The following NOS1 variants were observed in gnomAD, a reference collection of about 807,000 sequenced individuals.
The protein encoded by NOS1 is nitric oxide synthase 1, also known as NOS type I.
Under a neutral mutation model 164.5 loss-of-function variants are expected in NOS1, and 51 were observed. The ratio of observed to expected loss-of-function variants is 0.31; its 90% confidence interval spans 0.25 to 0.39. The LOEUF (loss-of-function observed/expected upper bound fraction) is 0.39, where lower values mean the gene tolerates loss of function less well. Ranked by LOEUF, NOS1 falls within the 10% of genes least tolerant of loss-of-function variation. The pLI is 1.00. For missense variants in NOS1, 1,362 were observed against 1,885.6 expected, an observed-to-expected ratio of 0.72 and a Z score of 5.14; for synonymous variants, 719 against 745.8, an observed-to-expected ratio of 0.96 and a Z score of 0.59.
In NOS1 at chr12:117,330,814, C is replaced by T. The variant is rs1403290060; in HGVS notation, c.256G>A (p.Gly86Ser). Residue 86 changes from glycine to serine, a missense_variant, in exon 2 of 29, where the codon GGC (glycine) becomes AGC (serine). Physicochemically the swap from Gly to Ser is moderately conservative, Grantham distance 56 (BLOSUM62 0). This residue lies in a region of NOS1 where 362 missense variants were observed against 402.0 expected (regional missense o/e 0.90). Transcript: ENST00000317775. This position sits in a 1 kb window ranked among gnomAD's most constrained non-coding sequence, Gnocchi z 4.6. ...SYDSALEVLRGIASETHVVLI... is the reference protein window; with the variant it reads ...SYDSALEVLRSIASETHVVLI... ...ACCACGTGGGTCTCAGAGGCAATGC[C>T]TCTGAGTACCTCCAGGGCGCTGTCA... The T allele has an allele frequency of 2.5e-6, 4 of 1,614,084 alleles. No individual in the cohort carries two copies. The South Asian group carries it at 3.3e-5, about 13-fold the overall frequency.
Position 117,332,729 on chromosome 12 carries a change from G to C in NOS1, c.-420-1240C>G, listed in dbSNP as rs374498502. ...AAAATACAAAAATTAGCCGGGTGTG[G>C]TGGCGGGTGCCTGTAATCCCAGCTA... On this transcript the variant is annotated intron_variant, in intron 1 of 28. Coordinates refer to ENST00000317775, the MANE Select transcript of NOS1 (RefSeq NM_000620.5). 6.4e-4 allele frequency among the ~76,000 whole-genome samples: 98 copies of C among 152,282 alleles called. 1 individual carries two copies. In the East Asian group the frequency reaches 0.015, roughly 23 times the overall value.
chr12:117,251,800 C>T (rs816348), intron 17 of NOS1, among the ~76,000 whole-genome samples: 74,893 of 151,548 alleles, frequency 0.49, 19,390 homozygotes, highest in African/African-American at 0.63. Context: ...GGCGCCATCT[C>T]GGCTCACTGT....
intron 17 of NOS1, among the ~76,000 whole-genome samples, chr12:117,252,713 A>C (rs554413534): frequency 6.6e-6 from 1 of 152,332 alleles, no homozygotes; most frequent in African/African-American, 2.4e-5. Context: ...GTCAACCTAA[A>C]ATTGCTTTAA....
Position 117,247,383 on chromosome 12 carries a change from C to A in NOS1, c.2788G>T (p.Glu930Ter). 1 of 1,608,056 alleles carries A rather than the reference C, an allele frequency of 6.2e-7. No homozygotes were observed. The highest frequency in any genetic ancestry group is 8.5e-7 in the Non-Finnish European group (1 of 1,177,676). The change falls in exon 18 of 29, where the codon GAG becomes TAG. Residue 930 changes from glutamate to a stop codon, truncating the protein, a stop_gained. Transcript: ENST00000317775. LOFTEE classifies it high-confidence loss of function. ...TTCTTGGCCCAGGTCCTGAAAGCCTCTTCCTGCCCACAGAGCTCATCCCCT... is the reference window on the plus strand; with the variant it reads ...TTCTTGGCCCAGGTCCTGAAAGCCTATTCCTGCCCACAGAGCTCATCCCCT... ...REGDELCGQE[E>*]AFRTWAKKVF...
Position 117,215,041 on chromosome 12 carries a change from C to T in NOS1, c.*268G>A, listed in dbSNP as rs977982286. ...AGTGGTTTCATGCACCCGTGAGTTGCCCTTGTCGGCAAGAGAGGGAGTGGG... is the reference window on the plus strand; with the variant it reads ...AGTGGTTTCATGCACCCGTGAGTTGTCCTTGTCGGCAAGAGAGGGAGTGGG... On this transcript the variant is annotated 3_prime_UTR_variant, in exon 29 of 29. Transcript: ENST00000317775. 12 of 1,190,254 alleles carry T rather than the reference C, an allele frequency of 1.0e-5. No homozygotes were observed. In the Admixed American group the frequency reaches 3.6e-4, roughly 36 times the overall value. The allele number at this position is 1,190,254 out of a possible 1,614,324, so 73.7% of individuals were successfully genotyped here. A position where few individuals can be genotyped will look rare whatever the true frequency, so the allele number is the denominator to read the frequency against.
intron 1 of NOS1, among the ~76,000 whole-genome samples, chr12:117,345,011 G>C (rs1458182457): frequency 4.3e-5 from 6 of 140,168 alleles, no homozygotes; most frequent in African/African-American, 8.2e-5. Flanking sequence ...TGCTTGCTTG[G>C]TTGCTTGGTT....
At chr12:117,223,387 A>G (rs944005271) in intron 25 of NOS1, among the ~76,000 whole-genome samples, 5 of 149,678 alleles carry the variant, frequency 3.3e-5, no homozygotes, top group African/African-American at 1.2e-4. Context: ...TTAGCCTCCC[A>G]AGTAGCTGGG....
At chr12:117,283,855 C>CAA (rs61448842) in intron 7 of NOS1, among the ~76,000 whole-genome samples, 2,583 of 63,332 alleles carry the variant, frequency 0.041, 235 homozygotes, top group East Asian at 0.17. Flanking sequence ...GACTCTGTCT[C>CAA]AAAAAAAAAA....
At chr12:117,228,585 C>T (rs1868908133) in intron 22 of NOS1, among the ~76,000 whole-genome samples, 1 of 152,084 alleles carries the variant, frequency 6.6e-6, no homozygotes, top group African/African-American at 2.4e-5. Flanking sequence ...CCAGCTGTAA[C>T]CAGGCAACAG....
rs1373734987 is a variant in NOS1 at position 117,331,407 on chromosome 12, T to A, written c.-338A>T. On this transcript the variant is annotated 5_prime_UTR_variant, in exon 2 of 29. Coordinates refer to ENST00000317775, the MANE Select transcript of NOS1 (RefSeq NM_000620.5). ...TGCGTCTGATGGCTGTGTCTAGAAG[T>A]GACGCATGATAGATGTGAACTATTC... The A allele has an allele frequency of 1.3e-5, 4 of 298,560 alleles. No individual in the cohort carries two copies. The highest frequency in any genetic ancestry group is 8.4e-5 in the African/African-American group (4 of 47,614). 18.5% of individuals were successfully genotyped at this position (298,560 alleles called of 1,614,324 possible). A position where few individuals can be genotyped will look rare whatever the true frequency, so the allele number is the denominator to read the frequency against.
chr12:117,210,865 T>C lies in NOS1; in HGVS notation c.*4444A>G, dbSNP rs1023317467. 6.1e-6 allele frequency: 6 copies of C among 985,264 alleles called. No individual in the cohort carries two copies. Among genetic ancestry groups the C allele is most frequent in the Non-Finnish European group, 7.2e-6 (6 of 829,880 alleles). The allele number at this position is 985,264 out of a possible 1,614,324, so 61.0% of individuals were successfully genotyped here. On this transcript the variant is annotated 3_prime_UTR_variant, in exon 29 of 29. Transcript: ENST00000317775. ...CTGTTGACTCCAGAGAAGCTGACTA[T>C]CACATCAGCTCTGAAAACTCATCTT...
chr12:117,345,781 C>T (rs1876320851), intron 1 of NOS1, among the ~76,000 whole-genome samples: 1 of 151,936 alleles, frequency 6.6e-6, no homozygotes, highest in South Asian at 2.1e-4. Context: ...GATTATTGAG[C>T]CCAGGAGGTC....
rs58714999 is a variant in NOS1, at chr12:117,208,422, G to GTGTGT, written c.*6886_*6887insACACA. The GTGTGT allele has an allele frequency of 1.3e-4, 166 of 1,274,758 alleles. No individual in the cohort carries two copies. Among genetic ancestry groups the GTGTGT allele is most frequent in the South Asian group, 3.6e-4 (29 of 79,792 alleles). 79.0% of individuals were successfully genotyped at this position (1,274,758 alleles called of 1,614,324 possible). A position where few individuals can be genotyped will look rare whatever the true frequency, so the allele number is the denominator to read the frequency against. On this transcript the variant is annotated 3_prime_UTR_variant, in exon 29 of 29. Coordinates refer to ENST00000317775, the MANE Select transcript of NOS1 (RefSeq NM_000620.5). ...TGTGTGTGTGTGTGTGTGTGTGTGTGGTGAGATGCGACCAGGTCTGCCCAC... is the reference window on the plus strand; with the variant it reads ...TGTGTGTGTGTGTGTGTGTGTGTGTGTGTGTGTGAGATGCGACCAGGTCTGCCCAC...
intron 1 of NOS1, among the ~76,000 whole-genome samples, chr12:117,338,089 C>T (rs1875923745): frequency 6.6e-6 from 1 of 151,932 alleles, no homozygotes; most frequent in Non-Finnish European, 1.5e-5. Flanking sequence ...TGGTGGCAGG[C>T]ACCTGTGATC....
chr12:117,282,046 G>A (rs998166460), intron 7 of NOS1, among the ~76,000 whole-genome samples: 3 of 152,074 alleles, frequency 2.0e-5, no homozygotes, highest in Non-Finnish European at 4.4e-5. Context: ...TGCCTAAATA[G>A]GCAACAGTGA....
Position 117,340,873 on chromosome 12 carries a change from A to ATTTTTTTTTTTTTTTTTTTTTT in NOS1, c.-420-9406_-420-9385dup, listed in dbSNP as rs56322341. ...TGAGTAGCTGATATCACACCTGGCT[A>ATTTTTTTTTTTTTTTTTTTTTT]TTTTTTTTTTTTTTTTTTTTTTTGT... On this transcript the variant is annotated intron_variant, in intron 1 of 28. Transcript: ENST00000317775. Among the ~76,000 whole-genome samples the ATTTTTTTTTTTTTTTTTTTTTT allele has an allele frequency of 4.8e-5, 5 of 104,482 alleles. 1 individual carries two copies. Among genetic ancestry groups the ATTTTTTTTTTTTTTTTTTTTTT allele is most frequent in the African/African-American group, 8.0e-5 (2 of 25,118 alleles). 68.5% of individuals were successfully genotyped at this position (104,482 alleles called of 152,430 possible). A position where few individuals can be genotyped will look rare whatever the true frequency, so the allele number is the denominator to read the frequency against.
intron 7 of NOS1, among the ~76,000 whole-genome samples, chr12:117,284,920 G>A (rs1477847601): frequency 6.6e-6 from 1 of 151,696 alleles, no homozygotes; most frequent in African/African-American, 2.4e-5. Context: ...GTGTGGTGGC[G>A]GGTGCTTGGG....
chr12:117,315,671 G>A (rs1208308566), intron 2 of NOS1, among the ~76,000 whole-genome samples: 1 of 152,236 alleles, frequency 6.6e-6, no homozygotes, highest in East Asian at 1.9e-4. Flanking sequence ...CAGGAGCAGT[G>A]TAGCATGCTG....
intron 21 of NOS1, among the ~76,000 whole-genome samples, 158 bp from the exon 22 acceptor site, chr12:117,232,289 C>T (rs1869307644): frequency 6.6e-6 from 1 of 152,012 alleles, no homozygotes. Context: ...GCCCAGAATC[C>T]AGGGGATTTC....
Sources: gnomAD v4.1 joint callset for allele counts (sites outside exome capture counted in the v4.1 genomes callset) on GRCh38, gnomAD v4.1.1 for gene constraint, gnomAD v4.1.1 regional missense constraint, Gnocchi (gnomAD v3.1) non-coding constraint, MANE v1.5 for transcripts, NCBI Gene and HGNC (gene_info 2026-07-23, HGNC 2026-07-21) for gene names.